The following PCDH9 variants were observed in gnomAD, a reference collection of about 807,000 sequenced individuals.
PCDH9 encodes the protein protocadherin-9.
Under a neutral mutation model 70.6 loss-of-function variants are expected in PCDH9, and 24 were observed. The ratio of observed to expected loss-of-function variants is 0.34; its 90% CI spans 0.25 to 0.48. The LOEUF is 0.48. Among genes scored for constraint, PCDH9 ranks in the 20% least tolerant of loss-of-function variants. The pLI is 0.99. For synonymous variants in PCDH9, 562 were observed against 558.5 expected (o/e 1.01, Z -0.09); for missense variants, 1,281 against 1,503.6 (o/e 0.85, Z 2.45).
At chr13:67,104,391 T>C (rs1268126332) in intron 2 of PCDH9, among the ~76,000 whole-genome samples, 1 of 152,138 alleles carries the variant, frequency 6.6e-6, no homozygotes, top group Non-Finnish European at 1.5e-5. Flanking sequence ...GGGGCTGTAA[T>C]GACATTCCCC....
intron 3 of PCDH9, among the ~76,000 whole-genome samples, chr13:66,761,820 T>A (rs1301029846): frequency 8.0e-6 from 1 of 125,012 alleles, no homozygotes; most frequent in Non-Finnish European, 1.8e-5. Flanking sequence ...GTGAGCTTCC[T>A]TAAAAAAAAT....
Position 67,005,839 on chromosome 13 carries a change from T to G in PCDH9, c.3037-102234A>C, listed in dbSNP as rs535723994. ...TGCTTATTTCATAGGTATTTAGTCCTGCCCTATAGCCAGAATGGCCTTAGA... is the reference window on the plus strand; with the variant it reads ...TGCTTATTTCATAGGTATTTAGTCCGGCCCTATAGCCAGAATGGCCTTAGA... On this transcript the variant is annotated intron_variant, in intron 2 of 4. Coordinates refer to ENST00000377865, the MANE Select transcript of PCDH9 (RefSeq NM_203487.3). Among the ~76,000 whole-genome samples, 327 of 152,362 alleles carry G rather than the reference T, an allele frequency of 2.1e-3. 2 individuals are homozygous for G. The highest frequency in any genetic ancestry group is 7.6e-3 in the African/African-American group (317 of 41,588).
intron 4 of PCDH9, among the ~76,000 whole-genome samples, chr13:66,574,619 A>T (rs1401785423): frequency 2.6e-5 from 4 of 152,190 alleles, no homozygotes; most frequent in Non-Finnish European, 5.9e-5. Context: ...TCTTTCAAAA[A>T]GATGAAATCA....
chr13:66,658,118 G>C (rs1032761552), intron 3 of PCDH9, among the ~76,000 whole-genome samples: 8 of 152,168 alleles, frequency 5.3e-5, no homozygotes, highest in African/African-American at 1.9e-4. Context: ...AACATCTGAA[G>C]ATTTTGGTAT....
chr13:66,370,594 T>C (rs1309642889), intron 4 of PCDH9, among the ~76,000 whole-genome samples: 1 of 151,622 alleles, frequency 6.6e-6, no homozygotes, highest in Non-Finnish European at 1.5e-5. Context: ...CGCTCTATCC[T>C]TGAATGCCCA....
chr13:67,069,964 C>G (rs2085727838), intron 2 of PCDH9, among the ~76,000 whole-genome samples: 2 of 151,918 alleles, frequency 1.3e-5, no homozygotes, highest in South Asian at 4.1e-4. Flanking sequence ...ATTCATTAAT[C>G]TTCCCTCTAT....
intron 2 of PCDH9, among the ~76,000 whole-genome samples, chr13:66,908,059 A>T (rs2082393127): frequency 1.3e-5 from 2 of 152,244 alleles, no homozygotes; most frequent in Non-Finnish European, 2.9e-5. Context: ...TTATGTTTGC[A>T]GAAATGAATC....
intron 4 of PCDH9, among the ~76,000 whole-genome samples, chr13:66,493,974 A>G (rs1403216651): frequency 6.6e-6 from 1 of 152,160 alleles, no homozygotes; most frequent in Non-Finnish European, 1.5e-5. Context: ...CAATAGCAAT[A>G]TTAAACCATG....
chr13:67,079,772 A>AT (rs2085948147), intron 2 of PCDH9, among the ~76,000 whole-genome samples: 1 of 152,096 alleles, frequency 6.6e-6, no homozygotes, highest in Non-Finnish European at 1.5e-5. Flanking sequence ...GGAAAGAGAC[A>AT]TTTTCCATGT....
chr13:67,039,214 T>TC (rs1321847023), intron 2 of PCDH9, among the ~76,000 whole-genome samples: 2 of 152,140 alleles, frequency 1.3e-5, no homozygotes, highest in Non-Finnish European at 2.9e-5. Context: ...GAGTTGTTTT[T>TC]CAGTTTCCGT....
intron 4 of PCDH9, among the ~76,000 whole-genome samples, chr13:66,433,739 G>C (rs1189952684): frequency 6.6e-6 from 1 of 151,508 alleles, no homozygotes; most frequent in African/African-American, 2.4e-5. Context: ...TCCTATTCAA[G>C]ATTACTCTTA....
intron 4 of PCDH9, among the ~76,000 whole-genome samples, chr13:66,448,211 G>A (rs1189315020): frequency 6.6e-6 from 1 of 152,148 alleles, no homozygotes; most frequent in Non-Finnish European, 1.5e-5. Context: ...AAATCTCATC[G>A]TGTAGTATTT....
At chr13:66,944,775 C>T (rs936970983) in intron 2 of PCDH9, among the ~76,000 whole-genome samples, 1 of 148,812 alleles carries the variant, frequency 6.7e-6, no homozygotes, top group African/African-American at 2.5e-5. Flanking sequence ...TGTTGGGATA[C>T]CTATTTCTGG....
rs149713565 is a variant in PCDH9 at position 66,835,101 on chromosome 13, G to T, written c.3138+68403C>A. Among the ~76,000 whole-genome samples, 85 of 152,328 alleles carry T rather than the reference G, an allele frequency of 5.6e-4. 3 individuals are homozygous for T. Among genetic ancestry groups the T allele is most frequent in the Admixed American group, 5.0e-3 (77 of 15,296 alleles). ...CCAAGGACAAGGCCTGGTATGTCCT[G>T]AGGACTGACTACCAAATTGACATAG... On this transcript the variant is annotated intron_variant, in intron 3 of 4. Transcript: ENST00000377865.
At chr13:66,886,369 G>A (rs904764420) in intron 3 of PCDH9, among the ~76,000 whole-genome samples, 1 of 152,150 alleles carries the variant, frequency 6.6e-6, no homozygotes, top group Non-Finnish European at 1.5e-5. Context: ...GTTAAAATCA[G>A]AAAGGGGGCT....
chr13:66,623,644 T>C (rs2077461346), intron 4 of PCDH9, among the ~76,000 whole-genome samples: 1 of 152,200 alleles, frequency 6.6e-6, no homozygotes, highest in African/African-American at 2.4e-5. Flanking sequence ...CTTGTTATGT[T>C]GCTCAGCCTG....
At chr13:67,057,374 C>T (rs192932381) in intron 2 of PCDH9, among the ~76,000 whole-genome samples, 1 of 151,964 alleles carries the variant, frequency 6.6e-6, no homozygotes, top group Admixed American at 6.6e-5. Flanking sequence ...CCTTTAGTCT[C>T]GGTGACTGTC....
chr13:67,052,084 A>T (rs2085335097), intron 2 of PCDH9, among the ~76,000 whole-genome samples: 1 of 152,156 alleles, frequency 6.6e-6, no homozygotes, highest in African/African-American at 2.4e-5. Flanking sequence ...TAAGTGATAT[A>T]GTTGGAATTA....
rs758555321 is a variant in PCDH9 at position 66,631,230 on chromosome 13, C to T, written c.3320G>A (p.Gly1107Asp). 1.3e-6 allele frequency: 2 copies of T among 1,598,116 alleles called. No individual in the cohort carries two copies. Among genetic ancestry groups the T allele is most frequent in the Non-Finnish European group, 1.7e-6 (2 of 1,165,480 alleles). ...CTCACCAGAGTTGGGATCAGAGTTG[C>T]CATCTGCTTCAGTCCTCTTGTCCGG... Reference protein sequence around the residue: ...ASPDKRTEADGNSDPNSDGPL... With the variant: ...ASPDKRTEADDNSDPNSDGPL... The change falls in exon 4 of 5, where the codon GGC becomes GAC. Residue 1107 changes from glycine (G) to aspartate (D), a missense_variant. By Grantham distance (94) the Gly-to-Asp change is moderately conservative. Around this residue, in one of 4 missense-constraint regions of PCDH9, gnomAD observed 264 missense variants for 278.8 expected, o/e 0.95. Coordinates refer to ENST00000377865, the MANE Select transcript of PCDH9 (RefSeq NM_203487.3).
Sources: allele counts gnomAD v4.1 joint callset (sites outside exome capture counted in the v4.1 genomes callset), GRCh38; gene constraint gnomAD v4.1.1; regional missense constraint gnomAD v4.1.1; transcripts MANE v1.5; gene names NCBI Gene and HGNC (gene_info 2026-07-23, HGNC 2026-07-21).